SDK1: variants seen among roughly 807,000 people sequenced by gnomAD.
SDK1 encodes the protein protein sidekick-1.
SDK1 carries 157 observed loss-of-function variants against 245.5 expected under a neutral mutation model. That is an observed-to-expected ratio of 0.64 (90% CI 0.56 to 0.73). The LOEUF is 0.73. Ranked by LOEUF, SDK1 falls within the 30% of genes least tolerant of loss-of-function variation. The pLI, the probability that SDK1 is intolerant of heterozygous loss-of-function variation, is 0.00. For missense variants in SDK1, 3,583 were observed against 3,002.3 expected, an observed-to-expected ratio of 1.19 and a Z score of -4.52; for synonymous variants, 1,647 against 1,278.5, an observed-to-expected ratio of 1.29 and a Z score of -6.15.
At chr7:3,764,020 A>G (rs1482392066) in intron 4 of SDK1, among the ~76,000 whole-genome samples, 7 of 152,232 alleles carry the variant, frequency 4.6e-5, no homozygotes, top group African/African-American at 1.7e-4. Context: ...TTTTTGCCAT[A>G]GAAAATACAG....
At chr7:4,264,509 G>A (rs1477829965) in intron 44 of SDK1, among the ~76,000 whole-genome samples, 35 of 114,572 alleles carry the variant, frequency 3.1e-4, no homozygotes, top group African/African-American at 8.5e-4. Context: ...GAGGCCGCGT[G>A]GACCTCTCCT....
At position 4,170,761 on chromosome 7, in the gene SDK1, T is replaced by C. The variant is rs557240291; in HGVS notation, c.4801-3461T>C. ...ATGAACCCCATCAACACCCCCAGTT[T>C]TTAGGAGACTGTCTGACATGCCCAG... is the stretch of plus-strand genomic sequence containing the variant. On this transcript the variant is annotated intron_variant, in intron 32 of 44. Transcript: ENST00000404826. Among the ~76,000 whole-genome samples the C allele has an allele frequency of 4.6e-5, 7 of 152,082 alleles. No homozygotes were observed. The East Asian group carries it at 1.4e-3, about 29-fold the overall frequency.
At chr7:3,696,780 G>A (rs764783605) in intron 4 of SDK1, among the ~76,000 whole-genome samples, 2 of 151,934 alleles carry the variant, frequency 1.3e-5, no homozygotes, top group African/African-American at 2.4e-5. Context: ...ATTAAATAGT[G>A]TATTGAATTT....
intron 1 of SDK1, among the ~76,000 whole-genome samples, chr7:3,581,231 G>A (rs1463616989): frequency 6.6e-6 from 1 of 152,106 alleles, no homozygotes; most frequent in Non-Finnish European, 1.5e-5. Context: ...GGTATATCCA[G>A]TGTCTATAAG....
intron 17 of SDK1, among the ~76,000 whole-genome samples, chr7:4,046,222 G>A (rs953245303): frequency 5.3e-5 from 8 of 152,072 alleles, no homozygotes; most frequent in East Asian, 1.9e-4. Flanking sequence ...CATTCCAGCC[G>A]TGAGCCATGA....
intron 20 of SDK1, among the ~76,000 whole-genome samples, chr7:4,072,240 C>G (rs1428245026): frequency 6.6e-6 from 1 of 152,188 alleles, no homozygotes; most frequent in African/African-American, 2.4e-5. Context: ...TTGGAGGTGC[C>G]TGTGCTGTCA....
chr7:3,333,107 G>A (rs1780111473), intron 1 of SDK1, among the ~76,000 whole-genome samples: 1 of 152,168 alleles, frequency 6.6e-6, no homozygotes, highest in Non-Finnish European at 1.5e-5. Flanking sequence ...TGCTGTCTAG[G>A]AAAGAGTTCA....
chr7:4,005,618 G>T (rs930687516), intron 14 of SDK1, among the ~76,000 whole-genome samples: 1 of 151,996 alleles, frequency 6.6e-6, no homozygotes, highest in Non-Finnish European at 1.5e-5. Context: ...AAAAAGAGGC[G>T]CAGTAAGACC....
intron 40 of SDK1, chr7:4,233,052 A>C: frequency 1.8e-6 from 1 of 546,736 alleles, no homozygotes; most frequent in Non-Finnish European, 3.3e-6. Flanking sequence ...GTTGTTCTAC[A>C]ATCATCACAC....
chr7:4,061,459 A>T (rs923267001), intron 19 of SDK1, among the ~76,000 whole-genome samples: 5 of 151,888 alleles, frequency 3.3e-5, no homozygotes, highest in African/African-American at 1.2e-4. Context: ...TTAGAATGGC[A>T]ATCATTAAAA....
chr7:4,032,502 G>A (rs563671266), intron 17 of SDK1, among the ~76,000 whole-genome samples: 7 of 152,270 alleles, frequency 4.6e-5, no homozygotes, highest in East Asian at 1.9e-4. Context: ...TGCCACAGCT[G>A]TAGACAAGAG....
intron 4 of SDK1, among the ~76,000 whole-genome samples, chr7:3,703,691 A>G (rs557716211): frequency 6.6e-6 from 1 of 152,238 alleles, no homozygotes; most frequent in Admixed American, 6.5e-5. Flanking sequence ...TCTCTGTTCT[A>G]TTTTTCCAAT....
intron 5 of SDK1, among the ~76,000 whole-genome samples, chr7:3,855,173 A>G (rs1330451830): frequency 2.0e-5 from 3 of 152,118 alleles, no homozygotes; most frequent in African/African-American, 4.8e-5. Flanking sequence ...TCAAGAGCAC[A>G]TCCAGGTCCT....
chr7:4,175,928 G>A (rs941384611), intron 34 of SDK1, 94 bp downstream of exon 34: 1 of 1,041,888 alleles, frequency 9.6e-7, no homozygotes. Context: ...AACCAGCCTG[G>A]ATTAATGGCT....
rs538153147 is a variant in SDK1 at position 3,987,657 on chromosome 7, G to C, written c.2131+335G>C. On this transcript the variant is annotated intron_variant, in intron 14 of 44. Coordinates refer to ENST00000404826, the MANE Select transcript of SDK1 (RefSeq NM_152744.4). ...ACAATGCCTGCCACCTGGGTGACTTGAGAGTTCACCGTCGCCGCCACTGCT... is the reference window on the plus strand; with the variant it reads ...ACAATGCCTGCCACCTGGGTGACTTCAGAGTTCACCGTCGCCGCCACTGCT... 7.2e-5 allele frequency among the ~76,000 whole-genome samples: 11 copies of C among 152,292 alleles called. No individual in the cohort carries two copies. The East Asian group carries it at 2.1e-3, about 29-fold the overall frequency.
At position 3,951,038 on chromosome 7, in the gene SDK1, C is replaced by G. The variant is rs373662334; in HGVS notation, c.959+4C>G. 8 of 1,590,992 alleles carry G rather than the reference C, an allele frequency of 5.0e-6. No homozygotes were observed. In the African/African-American group the frequency reaches 6.7e-5, roughly 13 times the overall value. On this transcript the variant is annotated splice_donor_region_variant and intron_variant, in intron 6 of 44. Coordinates refer to ENST00000404826, the MANE Select transcript of SDK1 (RefSeq NM_152744.4). ...TGGAATGTATAGCCAGTGCCAGGTA[C>G]GAGGCGCGTCTCCTGTGAGACTCCT... is the stretch of plus-strand genomic sequence containing the variant.
chr7:3,501,205 T>C (rs1782199906), intron 1 of SDK1, among the ~76,000 whole-genome samples: 2 of 152,096 alleles, frequency 1.3e-5, no homozygotes, highest in Admixed American at 1.3e-4. Context: ...TGGGGTAACT[T>C]TTGTCAGTAT....
At chr7:3,457,565 T>C (rs1780710171) in intron 1 of SDK1, among the ~76,000 whole-genome samples, 1 of 152,194 alleles carries the variant, frequency 6.6e-6, no homozygotes, top group Non-Finnish European at 1.5e-5. Context: ...CTTTCCAGGT[T>C]TCTGTTTTGC....
rs191031353 is a variant in SDK1, at chr7:3,666,591, C to G, written c.713+24486C>G. ...CTGCCATGGCTTGGGCCTTGCTTCT[C>G]TGTATATCATAAGCTCCTGAGGACA... On this transcript the variant is annotated intron_variant, in intron 4 of 44. Coordinates refer to ENST00000404826, the MANE Select transcript of SDK1 (RefSeq NM_152744.4). Among the ~76,000 whole-genome samples, 364 of 152,292 alleles carry G rather than the reference C, an allele frequency of 2.4e-3. 6 individuals carry two copies. Among genetic ancestry groups the G allele is most frequent in the African/African-American group, 8.6e-3 (356 of 41,564 alleles).
Sources: gnomAD v4.1 joint callset for allele counts (sites outside exome capture counted in the v4.1 genomes callset) on GRCh38, gnomAD v4.1.1 for gene constraint, MANE v1.5 for transcripts, NCBI Gene and HGNC (gene_info 2026-07-23, HGNC 2026-07-21) for gene names.